The following HHAT variants were observed in gnomAD, a reference collection of about 807,000 sequenced individuals.
HHAT encodes hedgehog acyltransferase.
A neutral mutation model predicts 70.8 loss-of-function variants in HHAT; 47 were observed. That is an observed-to-expected ratio of 0.66 (90% CI 0.53 to 0.85). HHAT has a LOEUF of 0.85. HHAT is among the 40% of genes least tolerant of loss of function. HHAT has a pLI of 0.00. For missense variants in HHAT, 609 were observed against 604.8 expected (o/e 1.01, Z -0.07); for synonymous variants, 228 against 247.6 (o/e 0.92, Z 0.74).
At chr1:210,552,984 C>A (rs2095540038) in intron 9 of HHAT, among the ~76,000 whole-genome samples, 1 of 152,308 alleles carries the variant, frequency 6.6e-6, no homozygotes, top group South Asian at 2.1e-4. Context: ...GCCTTTAGTG[C>A]AGTGCCTGTG....
intron 9 of HHAT, among the ~76,000 whole-genome samples, chr1:210,553,250 C>A (rs2095542982): frequency 6.6e-6 from 1 of 152,126 alleles, no homozygotes; most frequent in African/African-American, 2.4e-5. Flanking sequence ...ATAGTGGACC[C>A]CAAGCTGAAT....
Position 210,329,015 on chromosome 1 carries a change from C to G in HHAT, c.-133C>G. ...GGAAGCCCGCAGCCGCCGCCGATGT[C>G]GCTGGGACTCGGAAGTGCCGAAAGA... On this transcript the variant is annotated 5_prime_UTR_variant, in exon 1 of 12. Coordinates refer to ENST00000261458, the MANE Select transcript of HHAT (RefSeq NM_018194.6). 7.2e-7 allele frequency: 1 copy of G among 1,396,406 alleles called. No homozygotes were observed. Among genetic ancestry groups the G allele is most frequent in the Non-Finnish European group, 9.3e-7 (1 of 1,075,388 alleles). The allele number at this position is 1,396,406 out of a possible 1,614,324, so 86.5% of individuals were successfully genotyped here.
At chr1:210,376,147 G>C (rs754348046) in intron 3 of HHAT, among the ~76,000 whole-genome samples, 1 of 150,830 alleles carries the variant, frequency 6.6e-6, no homozygotes, top group Non-Finnish European at 1.5e-5. Context: ...TTACAGGCAT[G>C]AGCCACCACG....
chr1:210,502,380 T>A (rs1251448455), intron 8 of HHAT, among the ~76,000 whole-genome samples: 1 of 13,758 alleles, frequency 7.3e-5, no homozygotes, highest in Admixed American at 5.5e-4. Flanking sequence ...CAAGACTCAG[T>A]CTCAAAAAAA....
At chr1:210,489,547 C>T (rs2094520558) in intron 8 of HHAT, among the ~76,000 whole-genome samples, 1 of 152,226 alleles carries the variant, frequency 6.6e-6, no homozygotes, top group Non-Finnish European at 1.5e-5. Context: ...ATTATTTTTG[C>T]AGCCTCCTCC....
intron 7 of HHAT, among the ~76,000 whole-genome samples, chr1:210,456,541 T>A (rs560966267): frequency 1.3e-5 from 2 of 152,180 alleles, no homozygotes; most frequent in South Asian, 2.1e-4. Context: ...GTACTATGAG[T>A]AGGGGATTTT....
intron 9 of HHAT, among the ~76,000 whole-genome samples, chr1:210,542,908 TTTGA>T (rs1475915599): frequency 2.0e-5 from 3 of 152,316 alleles, no homozygotes; most frequent in South Asian, 4.1e-4. Flanking sequence ...ATTTTGATTG[TTTGA>T]TTGTTTTACA....
chr1:210,352,477 C>T (rs1457312400), intron 2 of HHAT, among the ~76,000 whole-genome samples: 1 of 152,124 alleles, frequency 6.6e-6, no homozygotes, highest in East Asian at 1.9e-4. Flanking sequence ...CGTCTTTACT[C>T]TGAACTTTTT....
chr1:210,601,036 C>G (rs1181193179), intron 10 of HHAT, among the ~76,000 whole-genome samples: 1 of 148,844 alleles, frequency 6.7e-6, no homozygotes, highest in Non-Finnish European at 1.5e-5. Context: ...AAACATGCCT[C>G]CAGTGAAAAC....
intron 10 of HHAT, among the ~76,000 whole-genome samples, chr1:210,598,817 A>G (rs1243112415): frequency 6.6e-6 from 1 of 152,212 alleles, no homozygotes. Context: ...GGTTCTTATA[A>G]AGGTGAGTTT....
chr1:210,335,769 TAATC>T (rs1313803540), intron 1 of HHAT, among the ~76,000 whole-genome samples: 2 of 152,160 alleles, frequency 1.3e-5, no homozygotes, highest in African/African-American at 2.4e-5. Context: ...ATACAAAAAT[TAATC>T]AAGATAACAA....
In HHAT at chr1:210,588,081, C is replaced by T. The variant is rs775618960; in HGVS notation, c.1227C>T (p.Pro409=). The T allele has an allele frequency of 1.2e-6, 2 of 1,607,674 alleles. No homozygotes were observed. The highest frequency in any genetic ancestry group is 1.7e-6 in the Non-Finnish European group (2 of 1,177,738). The change falls in exon 10 of 12, where the codon CCC becomes CCT. Residue 409 remains proline (P), a synonymous_variant. Coordinates refer to ENST00000261458, the MANE Select transcript of HHAT (RefSeq NM_018194.6). ...GAGTCCGGAGGCTGGTGGAGACTCC[C>T]TGCATCCAGGACAGTCTGGTGAGCA... The part of the protein sequence containing the change: ...ENGVRRLVET[P]CIQDSLARYF...
In HHAT at chr1:210,404,683, G is replaced by A; in HGVS notation, c.684+4G>A. 6.2e-7 allele frequency: 1 copy of A among 1,609,082 alleles called. No individual in the cohort carries two copies. The highest frequency in any genetic ancestry group is 8.5e-7 in the Non-Finnish European group (1 of 1,175,636). On this transcript the variant is annotated splice_donor_region_variant and intron_variant, in intron 6 of 11. Coordinates refer to ENST00000261458, the MANE Select transcript of HHAT (RefSeq NM_018194.6). ...CTTCTCGGAGTTCATCAAACAGGTA[G>A]AGCCCGCTGGGGATGGGATTGGGAT...
chr1:210,621,429 A>C (rs138187164), intron 10 of HHAT, among the ~76,000 whole-genome samples: 3 of 152,274 alleles, frequency 2.0e-5, no homozygotes, highest in Non-Finnish European at 4.4e-5. Context: ...GGACGTATTT[A>C]TGTCAATTAA....
chr1:210,365,900 G>A (rs994772498), intron 3 of HHAT, among the ~76,000 whole-genome samples: 6 of 150,696 alleles, frequency 4.0e-5, no homozygotes, highest in Non-Finnish European at 8.8e-5. Context: ...AGAATCATGA[G>A]CCACCATGCC....
At chr1:210,391,252 A>G (rs2091438407) in intron 4 of HHAT, among the ~76,000 whole-genome samples, 1 of 152,224 alleles carries the variant, frequency 6.6e-6, no homozygotes, top group Non-Finnish European at 1.5e-5. Context: ...CAAACTAGAA[A>G]GTATACATAT....
At chr1:210,331,794 A>G (rs376397029) in intron 1 of HHAT, among the ~76,000 whole-genome samples, 1 of 151,558 alleles carries the variant, frequency 6.6e-6, no homozygotes, top group Non-Finnish European at 1.5e-5. Context: ...ACTTGAACAC[A>G]GTTCTCCCCT....
At chr1:210,486,148 TTTC>T (rs2094469581) in intron 8 of HHAT, among the ~76,000 whole-genome samples, 1 of 152,164 alleles carries the variant, frequency 6.6e-6, no homozygotes, top group African/African-American at 2.4e-5. Flanking sequence ...TTTCATGGGT[TTTC>T]TTCTTTAATA....
intron 7 of HHAT, among the ~76,000 whole-genome samples, chr1:210,446,827 C>T (rs944897464): frequency 3.3e-5 from 5 of 152,228 alleles, no homozygotes; most frequent in African/African-American, 1.2e-4. Context: ...CAGCGTTCTG[C>T]ATCACCAGAT....
Sources: allele counts gnomAD v4.1 joint callset (sites outside exome capture counted in the v4.1 genomes callset), GRCh38; gene constraint gnomAD v4.1.1; transcripts MANE v1.5; gene names NCBI Gene and HGNC (gene_info 2026-07-23, HGNC 2026-07-21).